Variants in AHCTF1 observed in about 807,000 individuals in gnomAD.
AHCTF1 encodes the protein protein ELYS.
Under a neutral mutation model 248.4 loss-of-function variants are expected in AHCTF1, and 24 were observed. The ratio of observed to expected loss-of-function variants is 0.10; its 90% CI spans 0.07 to 0.14. The LOEUF is 0.14. Ranked by LOEUF, AHCTF1 falls within the 10% of genes least tolerant of loss-of-function variation. The pLI is 1.00. For missense variants in AHCTF1, 2,206 were observed against 2,636.2 expected (o/e 0.84, Z 3.57); for synonymous variants, 786 against 929.8 (o/e 0.85, Z 2.81).
At chr1:246,925,978 G>C (rs1391020015) in intron 1 of AHCTF1, among the ~76,000 whole-genome samples, 1 of 150,742 alleles carries the variant, frequency 6.6e-6, no homozygotes, top group Non-Finnish European at 1.5e-5. Context: ...AGCCTGGGAG[G>C]TCAAGGTTGC....
chr1:246,853,028 T>A, intron 32 of AHCTF1, 63 bp downstream of exon 32: 2 of 1,273,774 alleles, frequency 1.6e-6, no homozygotes, highest in Non-Finnish European at 2.2e-6. Flanking sequence ...AACTACTGTG[T>A]CTTGAAACAA....
chr1:246,911,828 G>A (rs1004644186), intron 4 of AHCTF1, among the ~76,000 whole-genome samples: 7 of 151,642 alleles, frequency 4.6e-5, no homozygotes, highest in Admixed American at 4.6e-4. Context: ...CATTATTTCT[G>A]CCAAATCAAA....
chr1:246,924,040 C>T lies in AHCTF1; in HGVS notation c.-7-5663G>A, dbSNP rs566663364. Among the ~76,000 whole-genome samples the T allele has an allele frequency of 3.3e-5, 5 of 152,252 alleles. No individual in the cohort carries two copies. The South Asian group carries it at 8.3e-4, about 25-fold the overall frequency. ...AGAGATCCGAGGTACAAGTCATTAC[C>T]GTTTCTCAGCACTCCCCCTCCTATC... On this transcript the variant is annotated intron_variant, in intron 1 of 35. Transcript: ENST00000648844.
chr1:246,928,221 T>G (rs994151768), intron 1 of AHCTF1, among the ~76,000 whole-genome samples: 8 of 147,500 alleles, frequency 5.4e-5, no homozygotes, highest in Non-Finnish European at 8.9e-5. Flanking sequence ...GAGAATGGCA[T>G]GAACCCGGGA....
chr1:246,931,423 C>T, intron 1 of AHCTF1, 155 bp downstream of exon 1: 5 of 1,437,848 alleles, frequency 3.5e-6, no homozygotes. Context: ...CCTCGAGCCC[C>T]ATCCGTTGGC....
intron 6 of AHCTF1, among the ~76,000 whole-genome samples, chr1:246,904,596 G>A (rs1216183102): frequency 6.6e-6 from 1 of 152,132 alleles, no homozygotes; most frequent in East Asian, 1.9e-4. Context: ...TTGGGGGAAG[G>A]GTGGGGAAAA....
intron 1 of AHCTF1, among the ~76,000 whole-genome samples, chr1:246,920,420 A>G (rs948935528): frequency 6.6e-6 from 1 of 152,166 alleles, no homozygotes; most frequent in Non-Finnish European, 1.5e-5. Context: ...TAAAAATTCA[A>G]TGGAGCAATG....
chr1:246,854,668 A>G (rs2103051702), intron 31 of AHCTF1, among the ~76,000 whole-genome samples: 1 of 152,366 alleles, frequency 6.6e-6, no homozygotes, highest in East Asian at 1.9e-4. Flanking sequence ...AAAACACTTT[A>G]CATGCAAGGG....
intron 27 of AHCTF1, among the ~76,000 whole-genome samples, chr1:246,862,944 C>A (rs569551703): frequency 3.0e-3 from 450 of 152,224 alleles, no homozygotes; most frequent in African/African-American, 0.01. Flanking sequence ...CCTCTAAAGG[C>A]CTAGTAAACA....
chr1:246,863,110 T>G (rs968446060), intron 27 of AHCTF1, among the ~76,000 whole-genome samples: 1 of 152,230 alleles, frequency 6.6e-6, no homozygotes, highest in South Asian at 2.1e-4. Flanking sequence ...TGTGATTTAT[T>G]TTTGACAAAT....
chr1:246,856,257 A>G (rs1661104338), intron 30 of AHCTF1, among the ~76,000 whole-genome samples: 2 of 152,244 alleles, frequency 1.3e-5, no homozygotes, highest in African/African-American at 4.8e-5. Context: ...TCAGAATAAG[A>G]GACCAATGAA....
chr1:246,885,460 TAA>T, intron 21 of AHCTF1, 31 bp downstream of exon 21: 1 of 1,535,196 alleles, frequency 6.5e-7, no homozygotes, highest in Non-Finnish European at 8.9e-7. Flanking sequence ...ACAGATACGA[TAA>T]AGACTTTATA....
intron 29 of AHCTF1, among the ~76,000 whole-genome samples, chr1:246,859,805 T>G (rs1344867433): frequency 6.6e-6 from 1 of 152,132 alleles, no homozygotes; most frequent in Non-Finnish European, 1.5e-5. Flanking sequence ...CTCGAACTCC[T>G]GGGCTCCCGA....
At chr1:246,906,954 TACAA>T (rs1431203982) in intron 5 of AHCTF1, among the ~76,000 whole-genome samples, 1 of 152,204 alleles carries the variant, frequency 6.6e-6, no homozygotes, top group Admixed American at 6.5e-5. Context: ...ACTCATATTA[TACAA>T]ACACAGCCAT....
intron 1 of AHCTF1, chr1:246,931,304 C>T (rs1329214225): frequency 1.9e-6 from 3 of 1,547,186 alleles, no homozygotes; most frequent in African/African-American, 1.4e-5. Context: ...AGGACGCGAA[C>T]CACCAGCGCC....
chr1:246,867,953 TATATATATA>T (rs1193163571), intron 24 of AHCTF1, 142 bp from the exon 25 acceptor site: 1 of 262,152 alleles, frequency 3.8e-6, no homozygotes, highest in Non-Finnish European at 6.4e-6. Flanking sequence ...AAATTTTAAT[TATATATATA>T]TAATTAATTT....
At chr1:246,848,056 G>T (rs1052085312) in intron 33 of AHCTF1, among the ~76,000 whole-genome samples, 1 of 152,108 alleles carries the variant, frequency 6.6e-6, no homozygotes, top group Non-Finnish European at 1.5e-5. Context: ...ACACTGTGAA[G>T]AAATTAAGTT....
At position 246,876,930 on chromosome 1, in the gene AHCTF1, T is replaced by C; in HGVS notation, c.2937+20A>G. 1 of 1,610,728 alleles carries C rather than the reference T, an allele frequency of 6.2e-7. No homozygotes were observed. The highest frequency in any genetic ancestry group is 8.5e-7 in the Non-Finnish European group (1 of 1,179,292). On this transcript the variant is annotated intron_variant, in intron 23 of 35. Coordinates refer to ENST00000648844, the MANE Select transcript of AHCTF1 (RefSeq NM_001323342.2). ...TTCCTTATTCTCTTATCCCCCATAA[T>C]AAGACAACTTTAATCGTACCATAAC...
At chr1:246,861,913 A>C (rs775105289) in intron 28 of AHCTF1, 46 bp downstream of exon 28, 20 of 1,510,450 alleles carry the variant, frequency 1.3e-5, no homozygotes, top group Admixed American at 3.7e-5. Context: ...GAGCTAATAC[A>C]TTCTTATTAA....
Sources: allele counts gnomAD v4.1 joint callset (sites outside exome capture counted in the v4.1 genomes callset), GRCh38; gene constraint gnomAD v4.1.1; transcripts MANE v1.5; gene names NCBI Gene and HGNC (gene_info 2026-07-23, HGNC 2026-07-21).